Variants in DLG2 observed in about 807,000 individuals in gnomAD.
The protein encoded by DLG2 is discs large MAGUK scaffold protein 2.
A neutral mutation model predicts 132.5 loss-of-function variants in DLG2; 45 were observed. The ratio of observed to expected loss-of-function variants is 0.34; its 90% CI spans 0.27 to 0.44. The LOEUF is 0.44. Among genes scored for constraint, DLG2 ranks in the 20% least tolerant of loss-of-function variants. DLG2 has a pLI of 1.00. For missense variants in DLG2, 1,045 were observed against 1,196.9 expected, an observed-to-expected ratio of 0.87 and a Z score of 1.87; for synonymous variants, 424 against 419.6, an observed-to-expected ratio of 1.01 and a Z score of -0.13.
At chr11:84,814,645 TATGTTTGTTC>T (rs1208445804) in intron 6 of DLG2, among the ~76,000 whole-genome samples, 1 of 152,100 alleles carries the variant, frequency 6.6e-6, no homozygotes, top group Non-Finnish European at 1.5e-5. Context: ...AATAGATGTT[TATGTTTGTTC>T]ATGTTTGTTC....
chr11:85,545,359 G>A (rs2076241149), intron 3 of DLG2, among the ~76,000 whole-genome samples: 1 of 152,174 alleles, frequency 6.6e-6, no homozygotes, highest in Non-Finnish European at 1.5e-5. Context: ...TGGTGGATAA[G>A]CTTTTTGATG....
chr11:84,396,162 T>A (rs2098810260), intron 7 of DLG2, among the ~76,000 whole-genome samples: 1 of 152,130 alleles, frequency 6.6e-6, no homozygotes. Flanking sequence ...ATTTAAAATT[T>A]AAAAAAATCC....
intron 6 of DLG2, among the ~76,000 whole-genome samples, chr11:84,817,571 T>C (rs2077207803): frequency 6.6e-6 from 1 of 152,022 alleles, no homozygotes; most frequent in Non-Finnish European, 1.5e-5. Flanking sequence ...TTCTGAATAC[T>C]AGTTGACAAA....
At chr11:83,616,489 TA>T (rs80045536) in intron 19 of DLG2, among the ~76,000 whole-genome samples, 28,433 of 144,866 alleles carry the variant, frequency 0.2, 2,807 homozygotes, top group African/African-American at 0.22. Context: ...TTTTGTCCAT[TA>T]AAAAAAAATG....
intron 16 of DLG2, among the ~76,000 whole-genome samples, chr11:83,870,243 A>G (rs556516112): frequency 6.6e-6 from 1 of 152,176 alleles, no homozygotes; most frequent in South Asian, 2.1e-4. Context: ...AATAATGTAC[A>G]TTTTACCCAC....
chr11:84,716,040 G>C (rs529732749), intron 6 of DLG2, among the ~76,000 whole-genome samples: 48 of 151,922 alleles, frequency 3.2e-4, no homozygotes, highest in Non-Finnish European at 5.0e-4. Context: ...AGTGTACATA[G>C]GTTCCCTTTT....
rs1286800430 is a variant in DLG2, at chr11:85,005,260, G to T, written c.357+106401C>A. 2.0e-5 allele frequency among the ~76,000 whole-genome samples: 3 copies of T among 152,190 alleles called. No individual in the cohort carries two copies. In the East Asian group the frequency reaches 5.8e-4, roughly 29 times the overall value. On this transcript the variant is annotated intron_variant, in intron 6 of 27. Transcript: ENST00000376104. ...TTAAAGTAGCTTTTTCTAATTCTGTGAAGAAAGTCGGTGATAGCTTGATGG... is the reference window on the plus strand; with the variant it reads ...TTAAAGTAGCTTTTTCTAATTCTGTTAAGAAAGTCGGTGATAGCTTGATGG...
intron 3 of DLG2, among the ~76,000 whole-genome samples, chr11:85,513,564 A>G (rs778468785): frequency 2.4e-4 from 36 of 151,920 alleles, no homozygotes; most frequent in African/African-American, 6.5e-4. Context: ...TAGTATCTTC[A>G]ATGAGCACTT....
intron 11 of DLG2, among the ~76,000 whole-genome samples, chr11:84,050,174 C>T (rs1317785915): frequency 2.1e-5 from 3 of 142,198 alleles, no homozygotes. Flanking sequence ...TTTTTTTTAC[C>T]AGGGGAGAAT....
chr11:83,946,688 T>C (rs1400705928), intron 14 of DLG2, among the ~76,000 whole-genome samples: 2 of 152,232 alleles, frequency 1.3e-5, no homozygotes, highest in East Asian at 1.9e-4. Context: ...AGTTCTTTTT[T>C]CAAGGGAAGA....
At chr11:83,558,316 A>T (rs953878261) in intron 19 of DLG2, among the ~76,000 whole-genome samples, 6 of 152,172 alleles carry the variant, frequency 3.9e-5, no homozygotes, top group African/African-American at 7.2e-5. Context: ...AATTTAAAAA[A>T]TTTTTTATTT....
At chr11:83,710,236 C>T (rs933564019) in intron 18 of DLG2, among the ~76,000 whole-genome samples, 19 of 151,738 alleles carry the variant, frequency 1.3e-4, no homozygotes, top group African/African-American at 4.1e-4. Flanking sequence ...CATCTCGGCT[C>T]ACTGCAATCT....
chr11:85,606,695 G>A (rs933940994), intron 2 of DLG2, among the ~76,000 whole-genome samples: 1 of 152,088 alleles, frequency 6.6e-6, no homozygotes, highest in Non-Finnish European at 1.5e-5. Flanking sequence ...TCACTCTTTG[G>A]GTCTGCGCCG....
At chr11:84,344,312 G>A (rs897057919) in intron 7 of DLG2, among the ~76,000 whole-genome samples, 1 of 152,050 alleles carries the variant, frequency 6.6e-6, no homozygotes, top group African/African-American at 2.4e-5. Context: ...TCTAACATTG[G>A]GGTGATAATA....
chr11:85,015,519 C>A (rs1224942125), intron 6 of DLG2, among the ~76,000 whole-genome samples: 2 of 151,908 alleles, frequency 1.3e-5, no homozygotes, highest in African/African-American at 2.4e-5. Flanking sequence ...AACTACCAGT[C>A]CTTCATAACT....
chr11:85,397,347 A>C (rs1488941891), intron 3 of DLG2, among the ~76,000 whole-genome samples: 3 of 152,212 alleles, frequency 2.0e-5, no homozygotes, highest in Non-Finnish European at 2.9e-5. Flanking sequence ...AAGAGCATCA[A>C]TGATATGAAG....
At chr11:85,308,993 T>C (rs1353353423) in intron 3 of DLG2, among the ~76,000 whole-genome samples, 1 of 152,158 alleles carries the variant, frequency 6.6e-6, no homozygotes, top group Non-Finnish European at 1.5e-5. Context: ...ACTCCATTGA[T>C]GTTGGCCTTG....
At chr11:84,338,634 C>A (rs1200872066) in intron 7 of DLG2, among the ~76,000 whole-genome samples, 2 of 151,966 alleles carry the variant, frequency 1.3e-5, no homozygotes, top group East Asian at 1.9e-4. Flanking sequence ...ACCAACCTGG[C>A]TAACATGCTG....
intron 7 of DLG2, among the ~76,000 whole-genome samples, chr11:84,432,574 C>T (rs757017787): frequency 1.3e-5 from 2 of 152,190 alleles, no homozygotes; most frequent in Non-Finnish European, 2.9e-5. Context: ...CCTGGTGCCC[C>T]TTATATTCTA....
Sources: allele counts gnomAD v4.1 joint callset (sites outside exome capture counted in the v4.1 genomes callset), GRCh38; gene constraint gnomAD v4.1.1; transcripts MANE v1.5; gene names NCBI Gene and HGNC (gene_info 2026-07-23, HGNC 2026-07-21).